CNNM2: variants seen among roughly 807,000 people sequenced by gnomAD.
CNNM2 encodes metal transporter CNNM2.
In CNNM2, 12 loss-of-function variants were observed where a neutral mutation model predicts 66.9. The observed-to-expected ratio is 0.18, with a 90% confidence interval of 0.11 to 0.29. The LOEUF (loss-of-function observed/expected upper bound fraction) is 0.29. Among genes scored for constraint, CNNM2 ranks in the 10% least tolerant of loss-of-function variants. The probability of loss-of-function intolerance (pLI) is 1.00; values close to 1 mark genes in which losing one functional copy is unlikely to be tolerated. For missense variants in CNNM2, 705 were observed against 1,167.7 expected (o/e 0.60, Z 5.77); for synonymous variants, 557 against 501.8 (o/e 1.11, Z -1.47).
At position 103,060,300 on chromosome 10, in the gene CNNM2, G is replaced by A. The variant is rs542497830; in HGVS notation, c.2073+3336G>A. ...AAAAGTGCTGGGCATGGTGGCTCAC[G>A]CCTGTAATCCCAGAACTTTGGGAGG... On this transcript the variant is annotated intron_variant, in intron 4 of 7. Transcript: ENST00000369878. 8.5e-5 allele frequency among the ~76,000 whole-genome samples: 13 copies of A among 152,306 alleles called. No individual in the cohort carries two copies. In the South Asian group the frequency reaches 2.3e-3, roughly 27 times the overall value.
chr10:102,995,456 A>C (rs1455289676), intron 1 of CNNM2, among the ~76,000 whole-genome samples: 1 of 151,532 alleles, frequency 6.6e-6, no homozygotes, highest in Non-Finnish European at 1.5e-5. Context: ...CAAGTGATCC[A>C]CCTGCCTTGG....
chr10:103,036,319 C>T (rs185768624), intron 1 of CNNM2, among the ~76,000 whole-genome samples: 2 of 152,310 alleles, frequency 1.3e-5, no homozygotes, highest in East Asian at 3.9e-4. Context: ...TTCTCTCCTT[C>T]AGAAAGTCTT....
At chr10:102,998,827 C>G (rs911429533) in intron 1 of CNNM2, among the ~76,000 whole-genome samples, 3 of 151,950 alleles carry the variant, frequency 2.0e-5, no homozygotes, top group African/African-American at 7.2e-5. Context: ...AAAAGACAAA[C>G]AAAAAAACCT....
rs755036772 is a variant in CNNM2 at position 102,918,626 on chromosome 10, T to A, written c.146T>A (p.Leu49Gln). 6.5e-7 allele frequency: 1 copy of A among 1,543,902 alleles called. No individual in the cohort carries two copies. The highest frequency in any genetic ancestry group is 1.2e-5 in the South Asian group (1 of 83,586). ...GILQAAAGRL[L>Q]PLLLLSCCCG... is the part of the protein sequence containing the mutation. ...CTGCAGGCGGCTGCGGGGCGGCTGC[T>A]GCCGCTGCTCCTGCTGAGCTGCTGC... is the stretch of plus-strand genomic sequence containing the variant. Residue 49 changes from leucine (L) to glutamine (Q), a missense_variant, in exon 1 of 8, where the codon CTG (leucine) becomes CAG (glutamine). By Grantham distance (113) the Leu-to-Gln change is moderately radical. Around this residue, in one of 9 missense-constraint regions of CNNM2, gnomAD observed 98 missense variants for 73.6 expected, o/e 1.33. Coordinates refer to ENST00000369878, the MANE Select transcript of CNNM2 (RefSeq NM_017649.5). The surrounding 1 kb of genome is among the most constrained non-coding windows in gnomAD (Gnocchi z 4.1).
chr10:102,929,386 T>C (rs1174259853), intron 1 of CNNM2, among the ~76,000 whole-genome samples: 1 of 151,306 alleles, frequency 6.6e-6, no homozygotes, highest in East Asian at 1.9e-4. Context: ...GAGGCTGCAA[T>C]GAGCTGTGAT....
chr10:102,928,571 A>G lies in CNNM2; in HGVS notation c.1621+8470A>G, dbSNP rs531492002. 1.8e-3 allele frequency among the ~76,000 whole-genome samples: 263 copies of G among 143,960 alleles called. 2 individuals are homozygous for G. Among genetic ancestry groups the G allele is most frequent in the East Asian group, 3.2e-3 (16 of 4,946 alleles). 94.4% of individuals were successfully genotyped at this position (143,960 alleles called of 152,430 possible). On this transcript the variant is annotated intron_variant, in intron 1 of 7. Transcript: ENST00000369878. ...CACTCCAGCCTGGGCAACAAGAGTG[A>G]AACTCTGTCTCAAAAAAAAAAAAAA...
intron 1 of CNNM2, among the ~76,000 whole-genome samples, chr10:103,017,169 G>A (rs1223315822): frequency 1.3e-5 from 2 of 152,098 alleles, no homozygotes. Flanking sequence ...GCTGTTCGTC[G>A]TGTCTGAAAT....
rs7092029 is a variant in CNNM2, at chr10:103,064,152, A to T, written c.2074-4477A>T. Among the ~76,000 whole-genome samples the T allele has an allele frequency of 0.31, 46,604 of 152,030 alleles. 7,283 individuals are homozygous for T. Among genetic ancestry groups the T allele is most frequent in the Middle Eastern group, 0.36 (106 of 292 alleles). Reference sequence around the variant, plus strand: ...CTGCAGGTACCCTTTAATCTGTTGCAACTTTATATGAAGTAAAATTACTCT... The same window carrying T: ...CTGCAGGTACCCTTTAATCTGTTGCTACTTTATATGAAGTAAAATTACTCT... On this transcript the variant is annotated intron_variant, in intron 4 of 7. Coordinates refer to ENST00000369878, the MANE Select transcript of CNNM2 (RefSeq NM_017649.5).
rs749987277 is a variant in CNNM2 at position 103,049,718 on chromosome 10, C to T, written c.1633C>T (p.Leu545=). The change falls in exon 2 of 8, where the codon CTG becomes TTG. Residue 545 remains leucine (L), a synonymous_variant. Coordinates refer to ENST00000369878, the MANE Select transcript of CNNM2 (RefSeq NM_017649.5). ...LEEFKKGKSH[L]AIVQRVNNEG... ...TCTTGTCTCTAAAGGTAAATCTCAC[C>T]TGGCTATCGTGCAGCGGGTAAACAA... 7 of 1,613,152 alleles carry T rather than the reference C, an allele frequency of 4.3e-6. No homozygotes were observed. The highest frequency in any genetic ancestry group is 5.9e-6 in the Non-Finnish European group (7 of 1,179,606).
intron 1 of CNNM2, among the ~76,000 whole-genome samples, chr10:102,981,174 C>G (rs1344134019): frequency 6.6e-6 from 1 of 151,874 alleles, no homozygotes; most frequent in East Asian, 1.9e-4. Context: ...TGGCATAACC[C>G]TATCTCTACA....
chr10:102,972,762 C>G (rs1258294457), intron 1 of CNNM2, among the ~76,000 whole-genome samples: 1 of 152,116 alleles, frequency 6.6e-6, no homozygotes, highest in Non-Finnish European at 1.5e-5. Flanking sequence ...GGGGGTGGTG[C>G]TGCTTGGTTC....
rs559415584 is a variant in CNNM2, at chr10:102,994,162, C to A, written c.1622-55545C>A. On this transcript the variant is annotated intron_variant, in intron 1 of 7. Coordinates refer to ENST00000369878, the MANE Select transcript of CNNM2 (RefSeq NM_017649.5). ...ATGTTGGCCAGGCTGGTCTTGAACC[C>A]CTGACCTCAAGTGATCCACCCGCCT... Among the ~76,000 whole-genome samples the A allele has an allele frequency of 2.0e-5, 3 of 152,258 alleles. No individual in the cohort carries two copies. In the East Asian group the frequency reaches 5.8e-4, roughly 29 times the overall value.
Position 102,954,582 on chromosome 10 carries a change from G to C in CNNM2, c.1621+34481G>C, listed in dbSNP as rs546434854. On this transcript the variant is annotated intron_variant, in intron 1 of 7. Transcript: ENST00000369878. ...TGTATGCAGTGCACAATGCTGCTAG[G>C]CATTTGTGGACAATGCAAAGATGAT... 2.4e-3 allele frequency among the ~76,000 whole-genome samples: 370 copies of C among 152,214 alleles called. 2 individuals are homozygous for C. The highest frequency in any genetic ancestry group is 8.3e-3 in the African/African-American group (345 of 41,516).
chr10:102,997,582 A>C (rs1000351211), intron 1 of CNNM2, among the ~76,000 whole-genome samples: 2 of 152,172 alleles, frequency 1.3e-5, no homozygotes, highest in African/African-American at 4.8e-5. Context: ...AAAATGTGGA[A>C]GTCACATGCT....
chr10:103,061,729 A>AATAT (rs1384177169), intron 4 of CNNM2, among the ~76,000 whole-genome samples: 1 of 152,224 alleles, frequency 6.6e-6, no homozygotes, highest in Non-Finnish European at 1.5e-5. Flanking sequence ...AGAATTTCTA[A>AATAT]ATAAAATGGT....
intron 1 of CNNM2, among the ~76,000 whole-genome samples, chr10:102,966,174 T>C (rs1159565694): frequency 6.6e-6 from 1 of 152,216 alleles, no homozygotes; most frequent in Non-Finnish European, 1.5e-5. Flanking sequence ...ATGATTAAAC[T>C]GGAAAAATCT....
intron 1 of CNNM2, among the ~76,000 whole-genome samples, chr10:103,043,501 C>T (rs2065078343): frequency 6.6e-6 from 1 of 152,170 alleles, no homozygotes; most frequent in Admixed American, 6.5e-5. Flanking sequence ...CAAATGGTAT[C>T]TGTCATTTAA....
chr10:102,990,298 T>C (rs2063876985), intron 1 of CNNM2, among the ~76,000 whole-genome samples: 1 of 152,098 alleles, frequency 6.6e-6, no homozygotes. Flanking sequence ...AACTTTCAAG[T>C]AGACAGGACA....
At chr10:102,964,067 A>T (rs1458757704) in intron 1 of CNNM2, among the ~76,000 whole-genome samples, 3 of 152,216 alleles carry the variant, frequency 2.0e-5, no homozygotes, top group Non-Finnish European at 4.4e-5. Context: ...CAAGTAATGG[A>T]CTTTAGAGTG....
Sources: allele counts gnomAD v4.1 joint callset (sites outside exome capture counted in the v4.1 genomes callset), GRCh38; gene constraint gnomAD v4.1.1; regional missense constraint gnomAD v4.1.1; non-coding constraint Gnocchi (gnomAD v3.1); transcripts MANE v1.5; gene names NCBI Gene and HGNC (gene_info 2026-07-23, HGNC 2026-07-21).